BAALC: variants seen among roughly 807,000 people sequenced by gnomAD.
BAALC encodes BAALC binder of MAP3K1 and KLF4.
In BAALC, 9 loss-of-function variants were observed where a neutral mutation model predicts 15.5. The observed-to-expected ratio is 0.58, with a 90% confidence interval of 0.35 to 1.02. The LOEUF (loss-of-function observed/expected upper bound fraction) is 1.02, where lower values mean the gene tolerates loss of function less well. Among genes scored for constraint, BAALC ranks in the 50% least tolerant of loss-of-function variants. BAALC has a pLI of 0.02. For missense variants in BAALC, 201 were observed against 192.4 expected, an observed-to-expected ratio of 1.04 and a Z score of -0.27; for synonymous variants, 80 against 74.6, an observed-to-expected ratio of 1.07 and a Z score of -0.37.
intron 1 of BAALC, chr8:103,198,014 C>T (rs1812133329): frequency 1.6e-6 from 1 of 636,990 alleles, no homozygotes; most frequent in Non-Finnish European, 2.8e-6. Flanking sequence ...TCTGTGAGGA[C>T]TAACCATGCC....
At chr8:103,201,165 G>A (rs1812206956) in intron 1 of BAALC, among the ~76,000 whole-genome samples, 3 of 152,112 alleles carry the variant, frequency 2.0e-5, no homozygotes, top group Admixed American at 2.0e-4. Context: ...GTAAGGAAAT[G>A]AAGTAAGAAT....
intron 1 of BAALC, among the ~76,000 whole-genome samples, chr8:103,164,817 T>C (rs566554921): frequency 6.6e-5 from 10 of 152,348 alleles, no homozygotes; most frequent in African/African-American, 2.4e-4. Context: ...CCTTTTCTTC[T>C]CATTGCTATT....
intron 1 of BAALC, among the ~76,000 whole-genome samples, chr8:103,197,180 T>C (rs986975465): frequency 1.3e-5 from 2 of 152,214 alleles, no homozygotes; most frequent in Non-Finnish European, 1.5e-5. Flanking sequence ...ATATGATTCA[T>C]TGTAGATTTT....
At chr8:103,172,303 A>G (rs985106748) in intron 1 of BAALC, among the ~76,000 whole-genome samples, 3 of 151,912 alleles carry the variant, frequency 2.0e-5, no homozygotes, top group African/African-American at 7.3e-5. Context: ...TCCAGAGGCC[A>G]GATATCCTAT....
rs1015107190 is a variant in BAALC, at chr8:103,193,484, T to C, written c.161-19435T>C. ...TCAAGAAAGGACCTGAAATCAGCCTTTTGCACATTGTTGTGCCTGGGAGTG... is the reference window on the plus strand; with the variant it reads ...TCAAGAAAGGACCTGAAATCAGCCTCTTGCACATTGTTGTGCCTGGGAGTG... On this transcript the variant is annotated intron_variant, in intron 1 of 2. Transcript: ENST00000309982. Among the ~76,000 whole-genome samples, 3 of 152,216 alleles carry C rather than the reference T, an allele frequency of 2.0e-5. No individual in the cohort carries two copies. The East Asian group carries it at 5.8e-4, about 29-fold the overall frequency.
chr8:103,163,838 A>ATCCT (rs1018954807), intron 1 of BAALC, among the ~76,000 whole-genome samples: 10 of 152,072 alleles, frequency 6.6e-5, no homozygotes, highest in Non-Finnish European at 1.0e-4. Context: ...CACACAGAAA[A>ATCCT]TCCTTCCTTC....
intron 1 of BAALC, among the ~76,000 whole-genome samples, chr8:103,145,523 C>T (rs779495961): frequency 4.6e-5 from 7 of 152,132 alleles, no homozygotes; most frequent in South Asian, 4.1e-4. Flanking sequence ...GTCAGCTGAA[C>T]GGCATAGGGC....
chr8:103,168,232 C>T (rs370585370), intron 1 of BAALC, among the ~76,000 whole-genome samples: 2 of 152,270 alleles, frequency 1.3e-5, no homozygotes, highest in Admixed American at 6.5e-5. Flanking sequence ...TATTTAAGCT[C>T]GTTCTCTTGT....
intron 1 of BAALC, among the ~76,000 whole-genome samples, chr8:103,168,133 T>C (rs1024215417): frequency 1.6e-4 from 24 of 152,228 alleles, no homozygotes; most frequent in African/African-American, 5.8e-4. Flanking sequence ...GAATAAAATT[T>C]AGACAAATAG....
chr8:103,214,623 CACTA>C (rs1812518978), intron 2 of BAALC, among the ~76,000 whole-genome samples: 1 of 152,202 alleles, frequency 6.6e-6, no homozygotes, highest in Non-Finnish European at 1.5e-5. Flanking sequence ...CTCTAAAGCT[CACTA>C]ACTAAAGGCC....
chr8:103,202,740 G>T (rs1338928916), intron 1 of BAALC: 1 of 152,226 alleles, frequency 6.6e-6, no homozygotes, highest in East Asian at 1.9e-4. Context: ...ATAGAGAGCT[G>T]AATTTCATGA....
chr8:103,176,110 A>G (rs1811600529), intron 1 of BAALC, among the ~76,000 whole-genome samples: 1 of 152,222 alleles, frequency 6.6e-6, no homozygotes, highest in Non-Finnish European at 1.5e-5. Context: ...AAGATTTAAA[A>G]GAAAAAAAGG....
intron 1 of BAALC, chr8:103,166,366 A>G (rs1209718899): frequency 6.6e-6 from 1 of 152,618 alleles, no homozygotes; most frequent in Admixed American, 6.5e-5. Context: ...ATCATTGAAA[A>G]AGAGCCAAAG....
intron 2 of BAALC, among the ~76,000 whole-genome samples, chr8:103,223,140 G>A (rs1007927100): frequency 2.0e-5 from 3 of 152,010 alleles, no homozygotes; most frequent in Admixed American, 1.3e-4. Flanking sequence ...ATGAAATCCC[G>A]TCTCTACTAA....
At chr8:103,156,240 C>T (rs1435558364) in intron 1 of BAALC, among the ~76,000 whole-genome samples, 1 of 152,186 alleles carries the variant, frequency 6.6e-6, no homozygotes, top group African/African-American at 2.4e-5. Flanking sequence ...GCTGAACACT[C>T]AAATAATGTT....
chr8:103,178,878 G>A (rs35086518), intron 1 of BAALC, among the ~76,000 whole-genome samples: 53,468 of 118,528 alleles, frequency 0.45, 10,357 homozygotes, highest in Non-Finnish European at 0.49. Context: ...AAAAAAAAAA[G>A]TTAATTTAAA....
intron 2 of BAALC, among the ~76,000 whole-genome samples, chr8:103,222,667 T>C (rs989397937): frequency 7.9e-5 from 12 of 152,206 alleles, no homozygotes; most frequent in African/African-American, 2.7e-4. Context: ...GAAAATGCAT[T>C]GTTGTTCTAA....
At chr8:103,161,197 G>C (rs1811216158) in intron 1 of BAALC, among the ~76,000 whole-genome samples, 1 of 152,098 alleles carries the variant, frequency 6.6e-6, no homozygotes, top group South Asian at 2.1e-4. Flanking sequence ...CATATAAGAA[G>C]TTTGGCTTTC....
chr8:103,215,863 T>C (rs1025721445), intron 2 of BAALC, among the ~76,000 whole-genome samples: 6 of 152,184 alleles, frequency 3.9e-5, no homozygotes, highest in African/African-American at 1.4e-4. Flanking sequence ...ATGCAACTCA[T>C]AACTTCAATG....
Sources: gnomAD v4.1 joint callset for allele counts (sites outside exome capture counted in the v4.1 genomes callset) on GRCh38, gnomAD v4.1.1 for gene constraint, MANE v1.5 for transcripts, NCBI Gene and HGNC (gene_info 2026-07-23, HGNC 2026-07-21) for gene names.